The following TMEM87B variants were observed in gnomAD, a reference collection of about 807,000 sequenced individuals.
The protein encoded by TMEM87B is transmembrane protein 87B.
In TMEM87B, 83 loss-of-function variants were observed where a neutral mutation model predicts 80.3. That is an observed-to-expected ratio of 1.03 (90% CI 0.87 to 1.24). TMEM87B has a LOEUF of 1.24. Among genes scored for constraint, TMEM87B ranks in the 50% most tolerant of loss-of-function variants. The pLI, the probability that TMEM87B is intolerant of heterozygous loss-of-function variation, is 0.00. For synonymous variants in TMEM87B, 219 were observed against 230.5 expected, an observed-to-expected ratio of 0.95 and a Z score of 0.45; for missense variants, 625 against 674.4, an observed-to-expected ratio of 0.93 and a Z score of 0.81.
At chr2:112,092,294 G>C (rs1241634461) in intron 11 of TMEM87B, among the ~76,000 whole-genome samples, 1 of 152,168 alleles carries the variant, frequency 6.6e-6, no homozygotes, top group Non-Finnish European at 1.5e-5. Flanking sequence ...GGAGCAAATG[G>C]TTGAAGCAGG....
Position 112,086,006 on chromosome 2 carries a change from C to G in TMEM87B, c.840C>G (p.Thr280=), listed in dbSNP as rs1679133823. Residue 280 remains threonine, a splice_region_variant and synonymous_variant, in exon 9 of 19, where the codon ACC becomes ACG. Transcript: ENST00000283206. ...YQNISNTGLS[T]QGLLIFAELI... ...TTATTTTATTTTTTTCTTCCTCAGC[C>G]CAAGGCTTATTGATATTTGCGGAGT... 6.2e-7 allele frequency: 1 copy of G among 1,613,418 alleles called. No individual in the cohort carries two copies. Among genetic ancestry groups the G allele is most frequent in the Non-Finnish European group, 8.5e-7 (1 of 1,179,786 alleles).
Position 112,059,974 on chromosome 2 carries a change from T to C in TMEM87B, c.166-3T>C. 1 of 1,593,342 alleles carries C rather than the reference T, an allele frequency of 6.3e-7. No homozygotes were observed. Among genetic ancestry groups the C allele is most frequent in the Non-Finnish European group, 8.6e-7 (1 of 1,167,394 alleles). On this transcript the variant is annotated splice_polypyrimidine_tract_variant and splice_region_variant and intron_variant, in intron 1 of 18. Coordinates refer to ENST00000283206, the MANE Select transcript of TMEM87B (RefSeq NM_032824.3). ...ATCTTCCTGTGTTTGTTTTTCATTT[T>C]AGAAATCAGGACCTTTGATATTTAG...
chr2:112,060,984 A>G (rs1279086405), intron 2 of TMEM87B, among the ~76,000 whole-genome samples: 2 of 152,232 alleles, frequency 1.3e-5, no homozygotes, highest in Non-Finnish European at 2.9e-5. Flanking sequence ...AACTAGATAA[A>G]TTGCTTTTAC....
Position 112,055,532 on chromosome 2 carries a change from C to G in TMEM87B, c.-60C>G. ...TCGGACCCGCCTGCCTGGGGCGGTG[C>G]TGCACCAGGTGCGGGTGTGGCAGGC... On this transcript the variant is annotated 5_prime_UTR_variant, in exon 1 of 19. Transcript: ENST00000283206. The G allele has an allele frequency of 6.9e-7, 1 of 1,443,002 alleles. No individual in the cohort carries two copies. The highest frequency in any genetic ancestry group is 9.1e-7 in the Non-Finnish European group (1 of 1,101,664). 89.4% of individuals were successfully genotyped at this position (1,443,002 alleles called of 1,614,324 possible).
chr2:112,098,916 G>A (rs1033720691), intron 14 of TMEM87B, among the ~76,000 whole-genome samples: 7 of 152,164 alleles, frequency 4.6e-5, no homozygotes, highest in South Asian at 2.1e-4. Context: ...TTCTTGAAGC[G>A]ACAGCGCTTA....
intron 5 of TMEM87B, 82 bp from the exon 6 acceptor site, chr2:112,077,110 A>C: frequency 1.6e-6 from 1 of 625,410 alleles, no homozygotes. Flanking sequence ...CAATTACTTT[A>C]AAATATGGCA....
intron 3 of TMEM87B, among the ~76,000 whole-genome samples, chr2:112,066,085 C>G (rs1177806584): frequency 2.6e-5 from 4 of 152,196 alleles, no homozygotes; most frequent in Non-Finnish European, 4.4e-5. Flanking sequence ...TGAGGAAAAA[C>G]TTTTGAAACT....
intron 17 of TMEM87B, among the ~76,000 whole-genome samples, chr2:112,112,126 GGCGTTGT>G (rs1450187717): frequency 1.3e-5 from 2 of 152,182 alleles, no homozygotes; most frequent in Non-Finnish European, 2.9e-5. Context: ...AGCATCCTCT[GGCGTTGT>G]GCGTGGCTCT....
In TMEM87B at chr2:112,091,705, C is replaced by T. The variant is rs1169530480; in HGVS notation, c.1033-7C>T. On this transcript the variant is annotated splice_polypyrimidine_tract_variant and splice_region_variant and intron_variant, in intron 10 of 18. Coordinates refer to ENST00000283206, the MANE Select transcript of TMEM87B (RefSeq NM_032824.3). ...TTCAGGTTTCTTCCCTTATTTTTATCTTTCAGGGTTCTAACCATTTAGCTG... is the reference window on the plus strand; with the variant it reads ...TTCAGGTTTCTTCCCTTATTTTTATTTTTCAGGGTTCTAACCATTTAGCTG... 3.1e-6 allele frequency: 5 copies of T among 1,603,996 alleles called. No homozygotes were observed. Among genetic ancestry groups the T allele is most frequent in the Non-Finnish European group, 4.3e-6 (5 of 1,173,608 alleles).
intron 1 of TMEM87B, among the ~76,000 whole-genome samples, chr2:112,057,367 C>G (rs1678108300): frequency 6.6e-6 from 1 of 152,094 alleles, no homozygotes; most frequent in Non-Finnish European, 1.5e-5. Flanking sequence ...CCTCAAACTC[C>G]TGGGCTCAAG....
intron 16 of TMEM87B, among the ~76,000 whole-genome samples, chr2:112,107,442 TAGG>T (rs1383055984): frequency 1.3e-5 from 2 of 151,850 alleles, no homozygotes; most frequent in South Asian, 2.1e-4. Context: ...TAGAACAAAT[TAGG>T]AGGCATAATG....
intron 2 of TMEM87B, among the ~76,000 whole-genome samples, chr2:112,061,490 C>G (rs1255906391): frequency 1.3e-5 from 2 of 152,210 alleles, no homozygotes; most frequent in African/African-American, 4.8e-5. Context: ...TCAAGCAGCT[C>G]TGTAATATCA....
At position 112,098,678 on chromosome 2, in the gene TMEM87B, A is replaced by C. The variant is rs1679542932; in HGVS notation, c.1356A>C (p.Arg452Ser). 2 of 1,614,016 alleles carry C rather than the reference A, an allele frequency of 1.2e-6. No individual in the cohort carries two copies. Among genetic ancestry groups the C allele is most frequent in the East Asian group, 4.5e-5 (2 of 44,856 alleles). Residue 452 changes from arginine (R) to serine (S), a missense_variant, in exon 14 of 19, where the codon AGA becomes AGC. Coordinates refer to ENST00000283206, the MANE Select transcript of TMEM87B (RefSeq NM_032824.3). Reference protein sequence around the residue: ...LILIVIMFLWRPSANNQRYAF... With the variant: ...LILIVIMFLWSPSANNQRYAF... Reference sequence around the variant, plus strand: ...TTATTGTAATCATGTTTTTGTGGAGACCATCAGCAAACAATCAGAGGTACC... The same window carrying C: ...TTATTGTAATCATGTTTTTGTGGAGCCCATCAGCAAACAATCAGAGGTACC...
Position 112,089,622 on chromosome 2 carries a change from C to A in TMEM87B, c.939-3C>A. ...TTTCTCTGTTTCCTCTTCCTGATTCCAGGCCTCGTTTAGGAACAGTCATGC... is the reference window on the plus strand; with the variant it reads ...TTTCTCTGTTTCCTCTTCCTGATTCAAGGCCTCGTTTAGGAACAGTCATGC... On this transcript the variant is annotated splice_region_variant and splice_polypyrimidine_tract_variant and intron_variant, in intron 9 of 18. Coordinates refer to ENST00000283206, the MANE Select transcript of TMEM87B (RefSeq NM_032824.3). 1.9e-6 allele frequency: 3 copies of A among 1,613,952 alleles called. No homozygotes were observed. Among genetic ancestry groups the A allele is most frequent in the Non-Finnish European group, 2.5e-6 (3 of 1,179,880 alleles).
At chr2:112,104,595 G>A (rs1240181332) in intron 15 of TMEM87B, among the ~76,000 whole-genome samples, 1 of 152,208 alleles carries the variant, frequency 6.6e-6, no homozygotes, top group Non-Finnish European at 1.5e-5. Context: ...ATGTGGAACA[G>A]CTGGCTCTCT....
intron 7 of TMEM87B, 81 bp from the exon 8 acceptor site, chr2:112,081,254 G>T: frequency 6.9e-7 from 1 of 1,446,286 alleles, no homozygotes; most frequent in South Asian, 1.3e-5. Flanking sequence ...GAAAATGAAG[G>T]GTTGGATACT....
chr2:112,103,250 G>A (rs754892922), intron 15 of TMEM87B, among the ~76,000 whole-genome samples: 1 of 152,134 alleles, frequency 6.6e-6, no homozygotes, highest in African/African-American at 2.4e-5. Flanking sequence ...TGAAAAATAC[G>A]TAAAACCTCT....
At chr2:112,078,784 C>T (rs940206472) in intron 6 of TMEM87B, among the ~76,000 whole-genome samples, 1 of 152,110 alleles carries the variant, frequency 6.6e-6, no homozygotes, top group African/African-American at 2.4e-5. Context: ...AAAACCCAAC[C>T]TAGATGTGTG....
At chr2:112,058,469 A>C (rs1678150088) in intron 1 of TMEM87B, among the ~76,000 whole-genome samples, 1 of 152,112 alleles carries the variant, frequency 6.6e-6, no homozygotes, top group Admixed American at 6.5e-5. Context: ...CTCTGCATAC[A>C]TTCTAGCAGA....
Sources: gnomAD v4.1 joint callset for allele counts (sites outside exome capture counted in the v4.1 genomes callset) on GRCh38, gnomAD v4.1.1 for gene constraint, MANE v1.5 for transcripts, NCBI Gene and HGNC (gene_info 2026-07-23, HGNC 2026-07-21) for gene names.